Variants in WDR33 observed in about 807,000 individuals in gnomAD.
The protein encoded by WDR33 is WD repeat domain 33, also known as pre-mRNA 3' end processing protein WDR33.
A neutral mutation model predicts 164.9 loss-of-function variants in WDR33; 47 were observed. That is an observed-to-expected ratio of 0.29 (90% CI 0.23 to 0.36). WDR33 has a LOEUF of 0.36. Among genes scored for constraint, WDR33 ranks in the 10% least tolerant of loss-of-function variants. The pLI is 1.00. For missense variants in WDR33, 1,137 were observed against 1,754.1 expected, an observed-to-expected ratio of 0.65 and a Z score of 6.28; for synonymous variants, 505 against 589.0, an observed-to-expected ratio of 0.86 and a Z score of 2.06.
intron 4 of WDR33, among the ~76,000 whole-genome samples, chr2:127,767,779 A>G (rs1035819717): frequency 1.3e-5 from 2 of 152,230 alleles, no homozygotes; most frequent in African/African-American, 4.8e-5. Flanking sequence ...AGGTACCTTC[A>G]TAGAGCTAAA....
chr2:127,708,925 G>A lies in WDR33; in HGVS notation c.3566-33C>T, dbSNP rs1558917866. The A allele has an allele frequency of 4.0e-6, 6 of 1,517,018 alleles. No individual in the cohort carries two copies. In the African/African-American group the frequency reaches 4.1e-5, roughly 10 times the overall value. 94.0% of individuals were successfully genotyped at this position (1,517,018 alleles called of 1,614,324 possible). ...AAGAAACAAATCTCCTTACAGGAAA[G>A]CACAGTGTGACCAGAAGTAGATGGG... On this transcript the variant is annotated intron_variant, in intron 20 of 21. Coordinates refer to ENST00000322313, the MANE Select transcript of WDR33 (RefSeq NM_018383.5). The surrounding 1 kb of genome is among the most constrained non-coding windows in gnomAD (Gnocchi z 6.7).
At chr2:127,772,041 C>T (rs1419148750) in intron 1 of WDR33, among the ~76,000 whole-genome samples, 2 of 152,114 alleles carry the variant, frequency 1.3e-5, no homozygotes, top group East Asian at 1.9e-4. Context: ...GTTGCCCAGT[C>T]TGGTCTCAGA....
chr2:127,712,159 G>C lies in WDR33; in HGVS notation c.3308+1424C>G, dbSNP rs114871774. Among the ~76,000 whole-genome samples, 4,009 of 152,144 alleles carry C rather than the reference G, an allele frequency of 0.026. 167 individuals are homozygous for C. Among genetic ancestry groups the C allele is most frequent in the South Asian group, 0.17 (826 of 4,818 alleles). ...GCCTATAATCCCTGCACTCTGGGGGGGCTGAAGAACGTGGATCACTTGAGG... is the reference window on the plus strand; with the variant it reads ...GCCTATAATCCCTGCACTCTGGGGGCGCTGAAGAACGTGGATCACTTGAGG... On this transcript the variant is annotated intron_variant, in intron 18 of 21. Transcript: ENST00000322313. This position sits in a 1 kb window ranked among gnomAD's most constrained non-coding sequence, Gnocchi z 4.0.
intron 7 of WDR33, among the ~76,000 whole-genome samples, chr2:127,731,483 T>C (rs1397501986): frequency 6.6e-6 from 1 of 152,204 alleles, no homozygotes; most frequent in Admixed American, 6.5e-5. Flanking sequence ...CCATTGATTC[T>C]ATCAATCCTC....
intron 1 of WDR33, among the ~76,000 whole-genome samples, chr2:127,808,816 G>A (rs778418431): frequency 3.9e-5 from 6 of 152,096 alleles, no homozygotes; most frequent in Non-Finnish European, 7.4e-5. Context: ...GGATCACGAG[G>A]TCAGGAGATC....
At chr2:127,799,444 A>G (rs978816441) in intron 1 of WDR33, among the ~76,000 whole-genome samples, 13 of 152,140 alleles carry the variant, frequency 8.5e-5, no homozygotes, top group Non-Finnish European at 1.3e-4. Flanking sequence ...CTCAATAATA[A>G]CAAGAAATAA....
In WDR33 at chr2:127,701,669, G is replaced by C. The variant is rs1233900982; in HGVS notation, c.*4654C>G. On this transcript the variant is annotated 3_prime_UTR_variant, in exon 22 of 22. Transcript: ENST00000322313. ...CGGCGGAGGAGTGGCTGGGCCGCGC[G>C]GGCTTGCGCTGGACGTGGGCGCGGA... 1 of 1,277,000 alleles carries C rather than the reference G, an allele frequency of 7.8e-7. No individual in the cohort carries two copies. The highest frequency in any genetic ancestry group is 9.8e-7 in the Non-Finnish European group (1 of 1,016,390). The allele number at this position is 1,277,000 out of a possible 1,614,324, so 79.1% of individuals were successfully genotyped here. A position where few individuals can be genotyped will look rare whatever the true frequency, so the allele number is the denominator to read the frequency against.
chr2:127,796,094 G>C (rs1689030251), intron 1 of WDR33, among the ~76,000 whole-genome samples: 1 of 140,278 alleles, frequency 7.1e-6, no homozygotes, highest in South Asian at 2.2e-4. Context: ...TTTTTTTTGA[G>C]ACAGTCTTGC....
In WDR33 at chr2:127,722,319, T is replaced by C. The variant is rs1191016060; in HGVS notation, c.1518+272A>G. Among the ~76,000 whole-genome samples, 2 of 152,200 alleles carry C rather than the reference T, an allele frequency of 1.3e-5. No homozygotes were observed. The highest frequency in any genetic ancestry group is 1.9e-4 in the East Asian group (1 of 5,190). On this transcript the variant is annotated intron_variant, in intron 14 of 21. Transcript: ENST00000322313. This position sits in a 1 kb window ranked among gnomAD's most constrained non-coding sequence, Gnocchi z 5.1. ...TAAACAATGGAGAAGAGAAGCAACA[T>C]ACTCCCATACTCCCTCTGCTCCATG...
chr2:127,809,854 A>T (rs1239887380), intron 1 of WDR33, among the ~76,000 whole-genome samples: 1 of 152,164 alleles, frequency 6.6e-6, no homozygotes, highest in Non-Finnish European at 1.5e-5. Context: ...CAAAAACTCA[A>T]ATCTATACAA....
chr2:127,725,593 G>T (rs1686549202), intron 8 of WDR33, among the ~76,000 whole-genome samples: 1 of 152,094 alleles, frequency 6.6e-6, no homozygotes, highest in South Asian at 2.1e-4. Context: ...AATTAGCCAG[G>T]CGTGATGGCG....
At chr2:127,736,870 G>A (rs1033437220) in intron 7 of WDR33, 51 of 985,254 alleles carry the variant, frequency 5.2e-5, no homozygotes, top group Non-Finnish European at 5.5e-5. Context: ...GTATAAACAG[G>A]AAAGTGCACA....
rs370534850 is a variant in WDR33 at position 127,738,033 on chromosome 2, C to T, written c.725-11256G>A. The T allele has an allele frequency of 2.0e-5, 33 of 1,612,762 alleles. No homozygotes were observed. In the East Asian group the frequency reaches 4.2e-4, roughly 21 times the overall value. ...CCTCTTGACAGAAAGGAAGTAACAA[C>T]GGCAGTGATGAAAACATGTATCTAT... is the stretch of plus-strand genomic sequence containing the variant. On this transcript the variant is annotated intron_variant, in intron 7 of 21. Transcript: ENST00000322313. This position sits in a 1 kb window ranked among gnomAD's most constrained non-coding sequence, Gnocchi z 4.4.
intron 3 of WDR33, among the ~76,000 whole-genome samples, chr2:127,768,658 A>C (rs1378631576): frequency 6.6e-6 from 1 of 152,188 alleles, no homozygotes; most frequent in Non-Finnish European, 1.5e-5. Context: ...TAACTTTCCA[A>C]TTACAAGACT....
At position 127,717,393 on chromosome 2, in the gene WDR33, T is replaced by C. The variant is rs187064592; in HGVS notation, c.2761-130A>G. On this transcript the variant is annotated intron_variant, in intron 16 of 21. Transcript: ENST00000322313. The surrounding 1 kb of genome is among the most constrained non-coding windows in gnomAD (Gnocchi z 5.6). ...ACCTAGTAAGATTACAGTAACATTGTCCTTAAATCAGGAGAAAGGAGATAC... is the reference window on the plus strand; with the variant it reads ...ACCTAGTAAGATTACAGTAACATTGCCCTTAAATCAGGAGAAAGGAGATAC... 6.9e-6 allele frequency: 5 copies of C among 727,008 alleles called. No individual in the cohort carries two copies. The highest frequency in any genetic ancestry group is 1.9e-5 in the African/African-American group (1 of 53,556). 45.0% of individuals were successfully genotyped at this position (727,008 alleles called of 1,614,324 possible). A position where few individuals can be genotyped will look rare whatever the true frequency, so the allele number is the denominator to read the frequency against.
chr2:127,711,774 ATATATATT>A lies in WDR33; in HGVS notation c.3308+1801_3308+1808del, dbSNP rs1445654139. ...CAGATATATATATATATATATATAT[ATATATATT>A]TTTTTTTTGAGACAGAGTCTCGCCC... On this transcript the variant is annotated intron_variant, in intron 18 of 21. Transcript: ENST00000322313. Among the ~76,000 whole-genome samples the A allele has an allele frequency of 1.8e-3, 168 of 93,340 alleles. 17 individuals carry two copies. Among genetic ancestry groups the A allele is most frequent in the African/African-American group, 8.5e-3 (148 of 17,434 alleles). The allele number at this position is 93,340 out of a possible 152,430, so 61.2% of individuals were successfully genotyped here. A position where few individuals can be genotyped will look rare whatever the true frequency, so the allele number is the denominator to read the frequency against.
In WDR33 at chr2:127,710,613, A is replaced by G. The variant is rs114341958; in HGVS notation, c.3309-757T>C. Among the ~76,000 whole-genome samples the G allele has an allele frequency of 4.7e-3, 718 of 152,310 alleles. 3 individuals carry two copies. Among genetic ancestry groups the G allele is most frequent in the African/African-American group, 0.016 (683 of 41,558 alleles). ...CCCTTCTCTCAGGAATTTTGGAGCC[A>G]GGAGACTACACTGACTGGGAGTATT... On this transcript the variant is annotated intron_variant, in intron 18 of 21. Coordinates refer to ENST00000322313, the MANE Select transcript of WDR33 (RefSeq NM_018383.5). This position sits in a 1 kb window ranked among gnomAD's most constrained non-coding sequence, Gnocchi z 4.4.
At chr2:127,801,282 C>T (rs1381365925) in intron 1 of WDR33, among the ~76,000 whole-genome samples, 2 of 151,966 alleles carry the variant, frequency 1.3e-5, no homozygotes, top group Non-Finnish European at 2.9e-5. Context: ...GACCTTTTCT[C>T]AGAGGAAAAA....
At chr2:127,742,221 A>T (rs1252774319) in intron 7 of WDR33, among the ~76,000 whole-genome samples, 4 of 150,154 alleles carry the variant, frequency 2.7e-5, no homozygotes, top group Non-Finnish European at 5.9e-5. Flanking sequence ...CTCAAAAAAT[A>T]AAAATAAATA....
Sources: gnomAD v4.1 joint callset for allele counts (sites outside exome capture counted in the v4.1 genomes callset) on GRCh38, gnomAD v4.1.1 for gene constraint, Gnocchi (gnomAD v3.1) non-coding constraint, MANE v1.5 for transcripts, NCBI Gene and HGNC (gene_info 2026-07-23, HGNC 2026-07-21) for gene names.